The following HCLS1 variants were observed in gnomAD, a reference collection of about 807,000 sequenced individuals.
HCLS1 encodes the protein hematopoietic lineage cell-specific protein.
Under a neutral mutation model 68.6 loss-of-function variants are expected in HCLS1, and 44 were observed. That is an observed-to-expected ratio of 0.64 (90% CI 0.50 to 0.82). The LOEUF is 0.82. Ranked by LOEUF, HCLS1 falls within the 40% of genes least tolerant of loss-of-function variation. The pLI is 0.00. For synonymous variants in HCLS1, 217 were observed against 225.8 expected (o/e 0.96, Z 0.35); for missense variants, 602 against 612.1 (o/e 0.98, Z 0.17).
chr3:121,637,079 C>T, intron 7 of HCLS1, 67 bp downstream of exon 7: 1 of 1,165,884 alleles, frequency 8.6e-7, no homozygotes, highest in Non-Finnish European at 1.3e-6. Context: ...CCCGGGTGAG[C>T]TTCCAGAAAG....
chr3:121,636,462 T>C lies in HCLS1; in HGVS notation c.593A>G (p.Tyr198Cys), dbSNP rs1318513765. Residue 198 changes from tyrosine (Y) to cysteine (C), a missense_variant, in exon 8 of 14, where the codon TAT becomes TGT. Tyr to Cys is a radical substitution (Grantham distance 194, BLOSUM62 -2). Coordinates refer to ENST00000314583, the MANE Select transcript of HCLS1 (RefSeq NM_005335.6). Reference sequence around the variant, plus strand: ...ATCCACTCGGTCCTTCTGGATTCCATACTGGCCACCAAAGCCCTTGGCATA... The same window carrying C: ...ATCCACTCGGTCCTTCTGGATTCCACACTGGCCACCAAAGCCCTTGGCATA... The part of the protein sequence containing the change: ...RDYAKGFGGQ[Y>C]GIQKDRVDKS... 5.0e-6 allele frequency: 8 copies of C among 1,613,774 alleles called. No individual in the cohort carries two copies. Among genetic ancestry groups the C allele is most frequent in the Non-Finnish European group, 6.8e-6 (8 of 1,179,764 alleles).
At chr3:121,640,221 A>G (rs2049183884) in intron 6 of HCLS1, among the ~76,000 whole-genome samples, 1 of 152,146 alleles carries the variant, frequency 6.6e-6, no homozygotes, top group Non-Finnish European at 1.5e-5. Context: ...AAAACCAGAA[A>G]GACTTGAACT....
intron 4 of HCLS1, among the ~76,000 whole-genome samples, chr3:121,646,411 GTAA>G (rs1285085009): frequency 9.6e-5 from 8 of 83,084 alleles, no homozygotes; most frequent in African/African-American, 1.4e-4. Flanking sequence ...ATATTACATA[GTAA>G]TAATATGTAA....
intron 4 of HCLS1, among the ~76,000 whole-genome samples, chr3:121,646,137 A>T (rs2049244999): frequency 1.4e-5 from 1 of 73,334 alleles, no homozygotes; most frequent in Non-Finnish European, 2.4e-5. Flanking sequence ...TATAACAGAT[A>T]CTATATATAA....
In HCLS1 at chr3:121,660,870, C is replaced by G. The variant is rs1311568061; in HGVS notation, c.-51G>C. 2 of 152,522 alleles carry G rather than the reference C, an allele frequency of 1.3e-5. No homozygotes were observed. Among genetic ancestry groups the G allele is most frequent in the Non-Finnish European group, 2.9e-5 (2 of 68,138 alleles). 9.4% of individuals were successfully genotyped at this position (152,522 alleles called of 1,614,324 possible). ...AAGCGCCCGGCTCCTCGCGTCCACA[C>G]CGACTCCCTCTCTGGCTGCTGCCAC... On this transcript the variant is annotated 5_prime_UTR_variant, in exon 1 of 14. Coordinates refer to ENST00000314583, the MANE Select transcript of HCLS1 (RefSeq NM_005335.6).
intron 6 of HCLS1, among the ~76,000 whole-genome samples, chr3:121,639,054 C>T (rs969920411): frequency 7.1e-6 from 1 of 140,316 alleles, no homozygotes; most frequent in Non-Finnish European, 1.6e-5. Flanking sequence ...CACACACACA[C>T]ACAAATAATG....
At chr3:121,638,080 A>AT (rs1163193279) in intron 6 of HCLS1, among the ~76,000 whole-genome samples, 1 of 152,018 alleles carries the variant, frequency 6.6e-6, no homozygotes, top group Non-Finnish European at 1.5e-5. Flanking sequence ...TTTTTGGGGG[A>AT]TTTTTTGTTT....
rs935717509 is a variant in HCLS1, at chr3:121,631,523, G to A, written c.*323C>T. The A allele has an allele frequency of 4.5e-5, 13 of 291,152 alleles. No individual in the cohort carries two copies. Among genetic ancestry groups the A allele is most frequent in the African/African-American group, 1.7e-4 (8 of 46,406 alleles). The allele number at this position is 291,152 out of a possible 1,614,324, so 18.0% of individuals were successfully genotyped here. On this transcript the variant is annotated 3_prime_UTR_variant, in exon 14 of 14. Coordinates refer to ENST00000314583, the MANE Select transcript of HCLS1 (RefSeq NM_005335.6). The stretch of plus-strand genomic sequence containing the variant: ...ATGAGGCAAACCACACAATCTAGAC[G>A]TACTTTCCCGGGTAAACAAACTGGG...
At chr3:121,638,001 CAA>C (rs1258915235) in intron 6 of HCLS1, among the ~76,000 whole-genome samples, 2 of 151,758 alleles carry the variant, frequency 1.3e-5, no homozygotes, top group African/African-American at 4.8e-5. Flanking sequence ...AAACCAGAGA[CAA>C]AGAGATGAAT....
At position 121,645,828 on chromosome 3, in the gene HCLS1, A is replaced by C. The variant is rs185763548; in HGVS notation, c.289-900T>G. Among the ~76,000 whole-genome samples, 13 of 147,836 alleles carry C rather than the reference A, an allele frequency of 8.8e-5. No individual in the cohort carries two copies. The East Asian group carries it at 2.3e-3, about 27-fold the overall frequency. ...CAAAAGTATCTGGGTGTTTTAGCAAAATTTTTAAATATACTTAAATATTAT... is the reference window on the plus strand; with the variant it reads ...CAAAAGTATCTGGGTGTTTTAGCAACATTTTTAAATATACTTAAATATTAT... On this transcript the variant is annotated intron_variant, in intron 4 of 13. Transcript: ENST00000314583.
intron 6 of HCLS1, 22 bp from the exon 7 acceptor site, chr3:121,637,278 T>C (rs1332228967): frequency 6.5e-7 from 1 of 1,533,700 alleles, no homozygotes. Context: ...GGAGCAGTCA[T>C]GAGAGCCCAC....
chr3:121,657,323 C>T lies in HCLS1; in HGVS notation c.114G>A (p.Trp38Ter). ...VNDISEKEQR[W>*]GAKTIEGSGR... is the part of the protein sequence containing the mutation. ...CAGACCCCTCGATGGTCTTGGCTCCCCATCGTTGCTCCTTTTCAGAGATGT... is the reference window on the plus strand; with the variant it reads ...CAGACCCCTCGATGGTCTTGGCTCCTCATCGTTGCTCCTTTTCAGAGATGT... Residue 38 changes from tryptophan (W) to a stop codon, truncating the protein, a stop_gained, in exon 3 of 14, where the codon TGG becomes TGA. Transcript: ENST00000314583. LOFTEE classifies it high-confidence loss of function. The T allele has an allele frequency of 6.2e-7, 1 of 1,614,090 alleles. No homozygotes were observed. Among genetic ancestry groups the T allele is most frequent in the Non-Finnish European group, 8.5e-7 (1 of 1,180,008 alleles).
intron 3 of HCLS1, among the ~76,000 whole-genome samples, chr3:121,652,563 A>G (rs1394908710): frequency 3.9e-5 from 6 of 152,190 alleles, no homozygotes; most frequent in South Asian, 2.1e-4. Context: ...CTGAGGTAGG[A>G]GAATCACTTG....
In HCLS1 at chr3:121,660,396, G is replaced by GTGTACATCA. The variant is rs139983736; in HGVS notation, c.-1+415_-1+423dup. 4.6e-5 allele frequency among the ~76,000 whole-genome samples: 7 copies of GTGTACATCA among 152,314 alleles called. No individual in the cohort carries two copies. The East Asian group carries it at 9.7e-4, about 21-fold the overall frequency. On this transcript the variant is annotated intron_variant, in intron 1 of 13. Transcript: ENST00000314583. ...CATCAGCACTTGGTACTCAGTGCTA[G>GTGTACATCA]TGTACATCAGTGACTACTTCCTGAT...
intron 6 of HCLS1, among the ~76,000 whole-genome samples, chr3:121,640,927 T>A (rs538065654): frequency 6.6e-6 from 1 of 151,400 alleles, no homozygotes; most frequent in Admixed American, 6.6e-5. Context: ...TAAAATGCAA[T>A]GGACAGCTTA....
chr3:121,651,219 C>T (rs1254399433), intron 3 of HCLS1, among the ~76,000 whole-genome samples: 1 of 152,082 alleles, frequency 6.6e-6, no homozygotes, highest in Admixed American at 6.5e-5. Flanking sequence ...TCACAAAAGA[C>T]TTACATCCAG....
chr3:121,634,399 C>T lies in HCLS1; in HGVS notation c.711G>A (p.Gly237=), dbSNP rs138329587. ...CCATGGACTCAAATTTCGCCTTCAGCCCACGGGTACCACTAGAAGCTGCAG... is the reference window on the plus strand; with the variant it reads ...CCATGGACTCAAATTTCGCCTTCAGTCCACGGGTACCACTAGAAGCTGCAG... The part of the protein sequence containing the change: ...PIEAASSGTR[G]LKAKFESMAE... Residue 237 remains glycine, a synonymous_variant, in exon 10 of 14, where the codon GGG becomes GGA. Coordinates refer to ENST00000314583, the MANE Select transcript of HCLS1 (RefSeq NM_005335.6). 27 of 1,613,938 alleles carry T rather than the reference C, an allele frequency of 1.7e-5. No homozygotes were observed. Among genetic ancestry groups the T allele is most frequent in the Non-Finnish European group, 2.2e-5 (26 of 1,179,958 alleles).
chr3:121,657,169 G>T, intron 3 of HCLS1, 110 bp downstream of exon 3: 2 of 825,088 alleles, frequency 2.4e-6, no homozygotes, highest in Non-Finnish European at 4.0e-6. Flanking sequence ...ATAATACATA[G>T]ACATGAACTA....
intron 1 of HCLS1, among the ~76,000 whole-genome samples, chr3:121,659,232 T>C (rs1937938343): frequency 6.6e-6 from 1 of 152,192 alleles, no homozygotes; most frequent in African/African-American, 2.4e-5. Flanking sequence ...GCATTCCCAG[T>C]GTTCTAGACG....
Sources: gnomAD v4.1 joint callset for allele counts (sites outside exome capture counted in the v4.1 genomes callset) on GRCh38, gnomAD v4.1.1 for gene constraint, MANE v1.5 for transcripts, NCBI Gene and HGNC (gene_info 2026-07-23, HGNC 2026-07-21) for gene names.